The following NARS2 variants were observed in gnomAD, a reference collection of about 807,000 sequenced individuals.
NARS2 encodes the protein asparaginyl-tRNA synthetase.
Under a neutral mutation model 62.9 loss-of-function variants are expected in NARS2, and 60 were observed. That is an observed-to-expected ratio of 0.95 (90% CI 0.77 to 1.18). The LOEUF is 1.18. Ranked by LOEUF, NARS2 falls within the 50% of genes most tolerant of loss-of-function variation. NARS2 has a pLI of 0.00. For missense variants in NARS2, 619 were observed against 576.4 expected (o/e 1.07, Z -0.76); for synonymous variants, 196 against 200.0 (o/e 0.98, Z 0.17).
intron 5 of NARS2, among the ~76,000 whole-genome samples, chr11:78,547,266 G>T (rs114232949): frequency 0.011 from 1,631 of 150,662 alleles, 25 homozygotes; most frequent in African/African-American, 0.037. Flanking sequence ...TGAGGTAAAA[G>T]AAGAAAAAAA....
intron 11 of NARS2, among the ~76,000 whole-genome samples, chr11:78,455,198 CT>C (rs1462487038): frequency 3.3e-5 from 5 of 152,158 alleles, no homozygotes; most frequent in Non-Finnish European, 7.3e-5. Context: ...CCCAAGCTAT[CT>C]GTAACACTCC....
chr11:78,556,115 T>C (rs1439560955), intron 5 of NARS2, among the ~76,000 whole-genome samples: 2 of 152,142 alleles, frequency 1.3e-5, no homozygotes, highest in African/African-American at 2.4e-5. Context: ...GGTTTTAGAG[T>C]AGGTGCCACG....
intron 11 of NARS2, among the ~76,000 whole-genome samples, chr11:78,453,056 G>C (rs1291061117): frequency 1.3e-5 from 2 of 152,190 alleles, no homozygotes; most frequent in African/African-American, 4.8e-5. Context: ...CCAAATTTGA[G>C]CACTTTTGCA....
In NARS2 at chr11:78,511,235, G is replaced by A. The variant is rs1005784813; in HGVS notation, c.689+17607C>T. Among the ~76,000 whole-genome samples, 7 of 152,104 alleles carry A rather than the reference G, an allele frequency of 4.6e-5. No homozygotes were observed. The East Asian group carries it at 7.7e-4, about 17-fold the overall frequency. On this transcript the variant is annotated intron_variant, in intron 6 of 13. Transcript: ENST00000281038. ...TGAAACTACAGGCATGTGCCACCAC[G>A]CTCAGCTAATTTTTAAAATATTTTG...
chr11:78,542,814 AC>A (rs772191644), intron 5 of NARS2, among the ~76,000 whole-genome samples: 150 of 152,250 alleles, frequency 9.9e-4, no homozygotes, highest in Non-Finnish European at 1.2e-3. Context: ...TGGGTGGATC[AC>A]TTGAGCTCAG....
intron 7 of NARS2, among the ~76,000 whole-genome samples, chr11:78,483,469 T>C (rs1248300098): frequency 6.6e-6 from 1 of 152,206 alleles, no homozygotes; most frequent in Non-Finnish European, 1.5e-5. Flanking sequence ...ACAGATGACA[T>C]GATTGTATAT....
intron 11 of NARS2, among the ~76,000 whole-genome samples, chr11:78,451,371 G>A (rs1857966556): frequency 6.6e-6 from 1 of 152,148 alleles, no homozygotes; most frequent in Admixed American, 6.5e-5. Flanking sequence ...TTTCTCCTGG[G>A]TTCTCCTAGA....
chr11:78,518,497 G>A (rs533170009), intron 6 of NARS2, among the ~76,000 whole-genome samples: 1 of 152,176 alleles, frequency 6.6e-6, no homozygotes, highest in East Asian at 1.9e-4. Flanking sequence ...ACTACAAAAT[G>A]GCTAAATGTT....
At chr11:78,484,231 AAACT>A (rs1176507309) in intron 7 of NARS2, among the ~76,000 whole-genome samples, 1 of 152,188 alleles carries the variant, frequency 6.6e-6, no homozygotes, top group Non-Finnish European at 1.5e-5. Context: ...CCTTATATAA[AAACT>A]AACTCAAGAT....
intron 6 of NARS2, among the ~76,000 whole-genome samples, chr11:78,520,850 G>T (rs976026397): frequency 2.6e-5 from 4 of 152,126 alleles, no homozygotes; most frequent in African/African-American, 9.7e-5. Context: ...GAGGTCAGGA[G>T]TTCGAGAACA....
At chr11:78,570,081 T>G (rs112373221) in intron 2 of NARS2, among the ~76,000 whole-genome samples, 5 of 151,968 alleles carry the variant, frequency 3.3e-5, no homozygotes, top group Admixed American at 1.3e-4. Context: ...TCCCAACTAC[T>G]TGGGAGACTG....
At position 78,451,143 on chromosome 11, in the gene NARS2, A is replaced by G. The variant is rs578131472; in HGVS notation, c.1165-7385T>C. Among the ~76,000 whole-genome samples the G allele has an allele frequency of 4.6e-5, 7 of 152,374 alleles. No homozygotes were observed. The South Asian group carries it at 1.2e-3, about 27-fold the overall frequency. ...TGCACACTCTCTGAGAAGTTATAATACAGCAGAGTATTCTTCAATTACAAA... is the reference window on the plus strand; with the variant it reads ...TGCACACTCTCTGAGAAGTTATAATGCAGCAGAGTATTCTTCAATTACAAA... On this transcript the variant is annotated intron_variant, in intron 11 of 13. Transcript: ENST00000281038.
At chr11:78,541,779 G>C (rs1855630397) in intron 5 of NARS2, among the ~76,000 whole-genome samples, 1 of 152,170 alleles carries the variant, frequency 6.6e-6, no homozygotes, top group African/African-American at 2.4e-5. Context: ...AAGATTTGTG[G>C]GTTGGTAGTT....
chr11:78,484,399 T>C (rs978398713), intron 7 of NARS2, among the ~76,000 whole-genome samples: 3 of 152,030 alleles, frequency 2.0e-5, no homozygotes, highest in African/African-American at 4.8e-5. Context: ...TGGAATCTAA[T>C]TAAACTAAAG....
chr11:78,558,990 G>A (rs1416088707), intron 5 of NARS2, among the ~76,000 whole-genome samples: 2 of 152,078 alleles, frequency 1.3e-5, no homozygotes, highest in East Asian at 1.9e-4. Flanking sequence ...CTTAAGAAAA[G>A]TAAATAGAGT....
chr11:78,539,136 T>C (rs768416036), intron 5 of NARS2, among the ~76,000 whole-genome samples: 1 of 150,044 alleles, frequency 6.7e-6, no homozygotes, highest in South Asian at 2.1e-4. Flanking sequence ...AATGTAAGCA[T>C]GGGGTTGTGG....
At chr11:78,503,361 C>G (rs1276488747) in intron 6 of NARS2, among the ~76,000 whole-genome samples, 1 of 152,090 alleles carries the variant, frequency 6.6e-6, no homozygotes, top group Non-Finnish European at 1.5e-5. Context: ...TCTCAGCCTC[C>G]CGAATAGCAG....
chr11:78,455,321 A>C (rs562407703), intron 11 of NARS2, among the ~76,000 whole-genome samples: 11 of 152,222 alleles, frequency 7.2e-5, no homozygotes, highest in African/African-American at 2.4e-4. Flanking sequence ...TTTTAAAAAC[A>C]TTTGTTCATC....
At chr11:78,515,609 C>G (rs1303879108) in intron 6 of NARS2, among the ~76,000 whole-genome samples, 1 of 151,964 alleles carries the variant, frequency 6.6e-6, no homozygotes, top group African/African-American at 2.4e-5. Flanking sequence ...GCCTTGAATC[C>G]TGGGCTCAAG....
Sources: allele counts gnomAD v4.1 joint callset (sites outside exome capture counted in the v4.1 genomes callset), GRCh38; gene constraint gnomAD v4.1.1; transcripts MANE v1.5; gene names NCBI Gene and HGNC (gene_info 2026-07-23, HGNC 2026-07-21).